TAF1: variants seen among roughly 807,000 people sequenced by gnomAD.
The protein encoded by TAF1 is TATA-box binding protein associated factor 1, also known as transcription initiation factor TFIID subunit 1.
In TAF1, 2 loss-of-function variants were observed where a neutral mutation model predicts 138.5. The ratio of observed to expected loss-of-function variants is 0.01; its 90% CI spans 0.01 to 0.05. TAF1 has a LOEUF of 0.05. Ranked by LOEUF, TAF1 falls within the 10% of genes least tolerant of loss-of-function variation. TAF1 has a pLI of 1.00. For synonymous variants in TAF1, 437 were observed against 503.2 expected, an observed-to-expected ratio of 0.87 and a Z score of 1.76; for missense variants, 709 against 1,478.0, an observed-to-expected ratio of 0.48 and a Z score of 8.53.
intron 28 of TAF1, among the ~76,000 whole-genome samples, chrX:71,420,818 G>A (rs1197571582): frequency 8.9e-6 from 1 of 112,310 alleles, no homozygotes; most frequent in Admixed American, 9.4e-5. Context: ...GGGGTCCAGC[G>A]GCAGCTCCTC....
intron 28 of TAF1, among the ~76,000 whole-genome samples, chrX:71,418,910 G>A (rs998860794): frequency 1.8e-5 from 2 of 110,441 alleles, no homozygotes; most frequent in African/African-American, 6.6e-5. Context: ...TGGGATTACA[G>A]GCATGCGCCA....
intron 32 of TAF1, among the ~76,000 whole-genome samples, chrX:71,427,990 T>A (rs1403805740): frequency 4.8e-5 from 5 of 104,536 alleles, no homozygotes; most frequent in African/African-American, 1.0e-4. Flanking sequence ...CTTTTTTTTT[T>A]AAACCTATTA....
At chrX:71,444,304 G>A (rs954562575) in intron 32 of TAF1, among the ~76,000 whole-genome samples, 13 of 111,994 alleles carry the variant, frequency 1.2e-4, no homozygotes, top group Non-Finnish European at 1.9e-4. Flanking sequence ...CACCTCGCTC[G>A]GCCTGTTTTC....
intron 32 of TAF1, among the ~76,000 whole-genome samples, chrX:71,444,685 C>T (rs912157608): frequency 2.7e-5 from 3 of 111,062 alleles, no homozygotes; most frequent in Admixed American, 1.9e-4. Flanking sequence ...GAGGTCAAGG[C>T]GAAGTCCTGG....
At chrX:71,417,823 A>C (rs1003313394) in intron 28 of TAF1, among the ~76,000 whole-genome samples, 2 of 111,723 alleles carry the variant, frequency 1.8e-5, no homozygotes, top group Non-Finnish European at 3.8e-5. Context: ...CAGCTCCTCC[A>C]TAATTCATGG....
In TAF1 at chrX:71,424,113, G is replaced by C. The variant is rs779903196; in HGVS notation, c.4669-41G>C. The C allele has an allele frequency of 3.7e-6, 4 of 1,082,094 alleles. No homozygotes were observed. In the South Asian group the frequency reaches 5.9e-5, roughly 16 times the overall value. The allele number at this position is 1,082,094 out of a possible 1,213,427, so 89.2% of individuals were successfully genotyped here. A position where few individuals can be genotyped will look rare whatever the true frequency, so the allele number is the denominator to read the frequency against. ...AATGCCTTTTTGTAATCAAGTGACTGTGTGTGTGTGTATCTGAGTGCCTGA... is the reference window on the plus strand; with the variant it reads ...AATGCCTTTTTGTAATCAAGTGACTCTGTGTGTGTGTATCTGAGTGCCTGA... On this transcript the variant is annotated intron_variant, in intron 31 of 37. Transcript: ENST00000423759.
chrX:71,427,980 C>CT (rs374297969), intron 32 of TAF1, among the ~76,000 whole-genome samples: 1,553 of 92,973 alleles, frequency 0.017, 44 homozygotes, highest in African/African-American at 0.058. Context: ...GAAAGAGATA[C>CT]TTTTTTTTTT....
chrX:71,399,633 G>A (rs1602543088), intron 24 of TAF1, among the ~76,000 whole-genome samples: 1 of 96,184 alleles, frequency 1.0e-5, no homozygotes, highest in African/African-American at 3.9e-5. Context: ...GTGCAATGGC[G>A]CAATCTCAGC....
rs754889761 is a variant in TAF1 at position 71,388,874 on chromosome X, C to T, written c.2700+6C>T. 5 of 1,200,405 alleles carry T rather than the reference C, an allele frequency of 4.2e-6. No homozygotes were observed. The highest frequency in any genetic ancestry group is 2.2e-5 in the Admixed American group (1 of 45,375). The stretch of plus-strand genomic sequence containing the variant: ...CTGCAGAGCAACGACTGAAGGTGAA[C>T]ACCTTCCTCTTAGACACCACTTATG... On this transcript the variant is annotated splice_donor_region_variant and intron_variant, in intron 17 of 37. Coordinates refer to ENST00000423759, the MANE Select transcript of TAF1 (RefSeq NM_004606.5).
intron 37 of TAF1, 52 bp downstream of exon 37, chrX:71,460,855 T>C (rs752230918): frequency 8.6e-7 from 1 of 1,158,434 alleles, no homozygotes; most frequent in South Asian, 1.9e-5. Flanking sequence ...CCAGCTATGA[T>C]GTTGAGGGGC....
intron 13 of TAF1, among the ~76,000 whole-genome samples, chrX:71,507,765 T>A (rs1217806312): frequency 9.0e-6 from 1 of 110,921 alleles, no homozygotes; most frequent in Non-Finnish European, 1.9e-5. Context: ...AGAAGTGATG[T>A]TTGAATTGAG....
chrX:71,424,151 C>A lies in TAF1; in HGVS notation c.4669-3C>A. On this transcript the variant is annotated splice_region_variant and splice_polypyrimidine_tract_variant and intron_variant, in intron 31 of 37. Coordinates refer to ENST00000423759, the MANE Select transcript of TAF1 (RefSeq NM_004606.5). Reference sequence around the variant, plus strand: ...TCTGAGTGCCTGATTCTTTTCATCACAGAACATCTCCAAGCACAAGTATCA... The same window carrying A: ...TCTGAGTGCCTGATTCTTTTCATCAAAGAACATCTCCAAGCACAAGTATCA... The A allele has an allele frequency of 8.3e-7, 1 of 1,209,105 alleles. No individual in the cohort carries two copies. Among genetic ancestry groups the A allele is most frequent in the Non-Finnish European group, 1.1e-6 (1 of 894,083 alleles).
At chrX:71,451,879 A>T (rs942145830) in intron 32 of TAF1, among the ~76,000 whole-genome samples, 8 of 112,446 alleles carry the variant, frequency 7.1e-5, no homozygotes, top group African/African-American at 1.3e-4. Context: ...TCTACTTCTT[A>T]CTACACAGAC....
At chrX:71,392,845 A>G (rs749863763) in intron 19 of TAF1, 30 bp from the exon 20 acceptor site, 1 of 1,208,044 alleles carries the variant, frequency 8.3e-7, no homozygotes, top group Admixed American at 2.2e-5. Context: ...TCAGGTTTTT[A>G]GGAGTCTCAC....
chrX:71,367,155 C>T (rs979161485), intron 1 of TAF1, among the ~76,000 whole-genome samples: 1 of 112,470 alleles, frequency 8.9e-6, no homozygotes, highest in East Asian at 2.8e-4. Flanking sequence ...ACGAGCCCCG[C>T]CTCGACGCCT....
At chrX:71,475,593 AAAAAAAAG>A (rs1448106312) in intron 13 of TAF1, among the ~76,000 whole-genome samples, 4 of 108,728 alleles carry the variant, frequency 3.7e-5, no homozygotes, top group African/African-American at 1.4e-4. Context: ...TCAAAAAAAA[AAAAAAAAG>A]AAAAAGAAAA....
intron 13 of TAF1, among the ~76,000 whole-genome samples, chrX:71,526,042 G>A (rs1001312386): frequency 3.6e-5 from 4 of 110,969 alleles, no homozygotes; most frequent in African/African-American, 1.3e-4. Flanking sequence ...GTCTTTTTTT[G>A]TGCAAAGTAG....
intron 13 of TAF1, among the ~76,000 whole-genome samples, chrX:71,523,391 A>C (rs945118295): frequency 1.8e-5 from 2 of 111,068 alleles, no homozygotes; most frequent in African/African-American, 6.5e-5. Context: ...ATGTCAAATG[A>C]CTATCTTGCC....
intron 28 of TAF1, among the ~76,000 whole-genome samples, chrX:71,418,504 G>A (rs1240632767): frequency 8.9e-6 from 1 of 112,762 alleles, no homozygotes; most frequent in Non-Finnish European, 1.9e-5. Flanking sequence ...GAATAAACAA[G>A]TGAATGCTGA....
Sources: allele counts gnomAD v4.1 joint callset (sites outside exome capture counted in the v4.1 genomes callset), GRCh38; gene constraint gnomAD v4.1.1; transcripts MANE v1.5; gene names NCBI Gene and HGNC (gene_info 2026-07-23, HGNC 2026-07-21).